RARB: variants seen among roughly 807,000 people sequenced by gnomAD.
The protein encoded by RARB is HBV-activated protein.
RARB carries 17 observed loss-of-function variants against 51.9 expected under a neutral mutation model. The ratio of observed to expected loss-of-function variants is 0.33; its 90% CI spans 0.22 to 0.49. RARB has a LOEUF of 0.49. Among genes scored for constraint, RARB ranks in the 20% least tolerant of loss-of-function variants. RARB has a pLI of 0.99. For synonymous variants in RARB, 215 were observed against 195.4 expected (o/e 1.10, Z -0.84); for missense variants, 369 against 550.8 (o/e 0.67, Z 3.30).
intron 2 of RARB, among the ~76,000 whole-genome samples, chr3:25,483,700 A>G (rs1696338306): frequency 6.6e-6 from 1 of 152,186 alleles, no homozygotes; most frequent in Non-Finnish European, 1.5e-5. Flanking sequence ...GGAGGATGTG[A>G]TTATGAGTAA....
intron 1 of RARB, among the ~76,000 whole-genome samples, chr3:25,460,428 T>TTTTTTTTA (rs1553618152): frequency 4.1e-5 from 6 of 145,582 alleles, no homozygotes; most frequent in Non-Finnish European, 9.0e-5. Context: ...ATTTTAAAAT[T>TTTTTTTTA]TTTATTTATT....
chr3:25,115,568 C>G (rs550952339), intron 3 of RARB, among the ~76,000 whole-genome samples: 3 of 151,614 alleles, frequency 2.0e-5, no homozygotes, highest in Non-Finnish European at 4.4e-5. Flanking sequence ...CTCCCCTCCC[C>G]TCCTCTCCTT....
chr3:25,552,117 C>T (rs1699875157), intron 3 of RARB, among the ~76,000 whole-genome samples: 1 of 151,992 alleles, frequency 6.6e-6, no homozygotes, highest in Non-Finnish European at 1.5e-5. Flanking sequence ...TCATAGTTGA[C>T]CACGGGCCCC....
intron 5 of RARB, among the ~76,000 whole-genome samples, chr3:25,314,845 C>T (rs902449620): frequency 6.6e-6 from 1 of 152,036 alleles, no homozygotes; most frequent in Non-Finnish European, 1.5e-5. Flanking sequence ...TACCTGCCTG[C>T]CTCCTCCCCT....
At chr3:24,894,421 C>T (rs1022989891) in intron 2 of RARB, among the ~76,000 whole-genome samples, 14 of 152,048 alleles carry the variant, frequency 9.2e-5, no homozygotes, top group Non-Finnish European at 1.6e-4. Context: ...CAGCTTCATC[C>T]ATATTGCTAC....
intron 5 of RARB, among the ~76,000 whole-genome samples, chr3:25,193,922 T>C (rs1329010306): frequency 6.6e-6 from 1 of 151,988 alleles, no homozygotes; most frequent in Non-Finnish European, 1.5e-5. Flanking sequence ...GTTAGTAAGA[T>C]GATTATTTAG....
intron 3 of RARB, among the ~76,000 whole-genome samples, chr3:25,126,890 C>G (rs1012523225): frequency 1.3e-5 from 2 of 152,090 alleles, no homozygotes; most frequent in African/African-American, 2.4e-5. Flanking sequence ...AAGGTAAAAC[C>G]TTTAGTCATC....
intron 5 of RARB, among the ~76,000 whole-genome samples, chr3:25,391,328 C>A (rs1423444522): frequency 1.3e-5 from 2 of 152,004 alleles, no homozygotes; most frequent in Non-Finnish European, 2.9e-5. Context: ...CATATTTTTG[C>A]AGTTGTGAAT....
intron 5 of RARB, among the ~76,000 whole-genome samples, chr3:25,582,528 A>G (rs1701218712): frequency 6.6e-6 from 1 of 151,832 alleles, no homozygotes; most frequent in East Asian, 1.9e-4. Context: ...AGTTTGTGAT[A>G]CTCAGCCCCA....
At chr3:24,925,188 T>C (rs1264777121) in intron 2 of RARB, among the ~76,000 whole-genome samples, 3 of 152,100 alleles carry the variant, frequency 2.0e-5, no homozygotes, top group Non-Finnish European at 4.4e-5. Context: ...TACTCAAATA[T>C]TTACTAAAGG....
intron 4 of RARB, among the ~76,000 whole-genome samples, chr3:25,138,666 T>A (rs187207170): frequency 4.6e-5 from 7 of 152,254 alleles, no homozygotes; most frequent in Admixed American, 4.6e-4. Flanking sequence ...ATAGAAATTG[T>A]CATCCTAATG....
At chr3:24,865,218 A>C (rs1417565475) in intron 2 of RARB, among the ~76,000 whole-genome samples, 1 of 152,148 alleles carries the variant, frequency 6.6e-6, no homozygotes, top group Non-Finnish European at 1.5e-5. Flanking sequence ...TACAAGAGGA[A>C]TTTGTTCCAG....
At chr3:25,176,357 C>A (rs1197972844) in intron 5 of RARB, among the ~76,000 whole-genome samples, 3 of 96,620 alleles carry the variant, frequency 3.1e-5, no homozygotes, top group Non-Finnish European at 4.5e-5. Flanking sequence ...TTCCTTCCTT[C>A]CTTCCTTCCT....
intron 2 of RARB, among the ~76,000 whole-genome samples, chr3:24,940,728 T>A (rs1695646680): frequency 6.6e-6 from 1 of 152,166 alleles, no homozygotes. Flanking sequence ...TTCTGCTGCT[T>A]GGCAGTGACA....
At position 25,227,711 on chromosome 3, in the gene RARB, G is replaced by A. The variant is rs1365452910; in HGVS notation, c.178+53136G>A. 2.6e-5 allele frequency among the ~76,000 whole-genome samples: 4 copies of A among 152,068 alleles called. No individual in the cohort carries two copies. In the East Asian group the frequency reaches 7.7e-4, roughly 29 times the overall value. Reference sequence around the variant, plus strand: ...CTCTTTTATTATCATAATTCCAATAGTGGTTTATCATTAAGTCTCTGCTAT... The same window carrying A: ...CTCTTTTATTATCATAATTCCAATAATGGTTTATCATTAAGTCTCTGCTAT... On this transcript the variant is annotated intron_variant, in intron 5 of 11. Transcript: ENST00000383772.
chr3:25,153,632 A>G (rs2885836), intron 4 of RARB, among the ~76,000 whole-genome samples: 115,161 of 152,064 alleles, frequency 0.76, 43,695 homozygotes, highest in Admixed American at 0.8. Flanking sequence ...TTGATAAATA[A>G]TTCGCTACTG....
intron 2 of RARB, among the ~76,000 whole-genome samples, chr3:25,480,970 C>T (rs1483441055): frequency 2.6e-5 from 4 of 152,122 alleles, no homozygotes; most frequent in African/African-American, 4.8e-5. Flanking sequence ...GCATTTCTAA[C>T]AAGCTCCCAG....
chr3:24,984,845 A>G (rs1696753607), intron 2 of RARB, among the ~76,000 whole-genome samples: 1 of 152,248 alleles, frequency 6.6e-6, no homozygotes, highest in African/African-American at 2.4e-5. Context: ...CATGTTGTAC[A>G]CATAACATCT....
chr3:24,966,127 T>G (rs1057045136), intron 2 of RARB, among the ~76,000 whole-genome samples: 1 of 151,846 alleles, frequency 6.6e-6, no homozygotes, highest in Non-Finnish European at 1.5e-5. Context: ...TTTTAGCTTG[T>G]TAAATTATTT....
Sources: allele counts gnomAD v4.1 joint callset (sites outside exome capture counted in the v4.1 genomes callset), GRCh38; gene constraint gnomAD v4.1.1; transcripts MANE v1.5; gene names NCBI Gene and HGNC (gene_info 2026-07-23, HGNC 2026-07-21).